CEP57L1: variants seen among roughly 807,000 people sequenced by gnomAD.
CEP57L1 encodes the protein centrosomal protein CEP57L1.
A neutral mutation model predicts 61.0 loss-of-function variants in CEP57L1; 37 were observed. That is an observed-to-expected ratio of 0.61 (90% CI 0.47 to 0.80). CEP57L1 has a LOEUF of 0.80. CEP57L1 is among the 30% of genes least tolerant of loss of function. CEP57L1 has a pLI of 0.00. For synonymous variants in CEP57L1, 137 were observed against 162.3 expected (o/e 0.84, Z 1.19); for missense variants, 422 against 524.7 (o/e 0.80, Z 1.91).
intron 9 of CEP57L1, among the ~76,000 whole-genome samples, chr6:109,159,706 C>T (rs540048124): frequency 6.6e-6 from 1 of 152,258 alleles, no homozygotes; most frequent in African/African-American, 2.4e-5. Flanking sequence ...GTTACTTAGC[C>T]ATTTGGACAG....
intron 1 of CEP57L1, among the ~76,000 whole-genome samples, chr6:109,139,406 A>C (rs866663246): frequency 1.3e-5 from 2 of 152,100 alleles, no homozygotes; most frequent in South Asian, 4.1e-4. Context: ...TGGGTCAAAC[A>C]ATTGTGCCTC....
rs139759737 is a variant in CEP57L1, at chr6:109,137,357, G to A, written c.-3-7862G>A. ...CACTCTGTCGCCCAGGCTGGAGTGC[G>A]GTGGCCCCATCTCGGCTCACTGCGA... On this transcript the variant is annotated intron_variant, in intron 1 of 10. Transcript: ENST00000517392. Among the ~76,000 whole-genome samples the A allele has an allele frequency of 8.5e-3, 1,289 of 151,532 alleles. 24 individuals carry two copies. Among genetic ancestry groups the A allele is most frequent in the African/African-American group, 0.029 (1,210 of 41,274 alleles).
intron 1 of CEP57L1, among the ~76,000 whole-genome samples, chr6:109,126,086 T>A (rs1008389744): frequency 6.6e-6 from 1 of 152,206 alleles, no homozygotes; most frequent in Non-Finnish European, 1.5e-5. Flanking sequence ...CAAATTAGTT[T>A]CAGAGGATTT....
Position 109,159,268 on chromosome 6 carries a change from G to A in CEP57L1, c.823-1G>A. Reference sequence around the variant, plus strand: ...ATGCAAGTATGCAAAACTTTTTGCAGATGAGGCAACATCGTGACCCACATA... The same window carrying A: ...ATGCAAGTATGCAAAACTTTTTGCAAATGAGGCAACATCGTGACCCACATA... On this transcript the variant is annotated splice_acceptor_variant, in intron 8 of 10. Transcript: ENST00000517392. LOFTEE classifies it high-confidence loss of function. The A allele has an allele frequency of 1.9e-6, 3 of 1,614,076 alleles. No individual in the cohort carries two copies. Among genetic ancestry groups the A allele is most frequent in the Non-Finnish European group, 1.7e-6 (2 of 1,179,988 alleles).
At chr6:109,150,314 A>G in intron 4 of CEP57L1, 75 bp downstream of exon 4, 1 of 1,534,718 alleles carries the variant, frequency 6.5e-7, no homozygotes, top group South Asian at 1.2e-5. Flanking sequence ...TCACGGGAAA[A>G]TTCAAAGGCA....
chr6:109,110,625 C>T (rs1771493811), intron 1 of CEP57L1, among the ~76,000 whole-genome samples: 1 of 152,104 alleles, frequency 6.6e-6, no homozygotes, highest in Admixed American at 6.6e-5. Context: ...AATGGTATTG[C>T]CTAGGTTTTC....
intron 1 of CEP57L1, among the ~76,000 whole-genome samples, chr6:109,124,086 A>T (rs566457392): frequency 6.6e-6 from 1 of 152,030 alleles, no homozygotes; most frequent in South Asian, 2.1e-4. Flanking sequence ...AAAAAAAAAA[A>T]AGAACCACTT....
At chr6:109,162,374 T>C (rs954708299) in intron 10 of CEP57L1, among the ~76,000 whole-genome samples, 1 of 152,090 alleles carries the variant, frequency 6.6e-6, no homozygotes, top group Non-Finnish European at 1.5e-5. Flanking sequence ...TAATATCTTA[T>C]ATACAACCTT....
intron 1 of CEP57L1, among the ~76,000 whole-genome samples, chr6:109,096,776 A>C (rs1488629392): frequency 6.6e-6 from 1 of 152,028 alleles, no homozygotes; most frequent in Non-Finnish European, 1.5e-5. Flanking sequence ...CAAAACAAAA[A>C]CCATTCCGTT....
chr6:109,166,474 C>T lies in CEP57L1; in HGVS notation c.*3504C>T, dbSNP rs2114983342. Among the ~76,000 whole-genome samples, 1 of 151,380 alleles carries T rather than the reference C, an allele frequency of 6.6e-6. No homozygotes were observed. The highest frequency in any genetic ancestry group is 1.5e-5 in the Non-Finnish European group (1 of 67,908). ...TCTCAGCTCACTGCAACCTCCACCT[C>T]TCAGGTTCAAGCTATTCTCCTGCCT... On this transcript the variant is annotated 3_prime_UTR_variant, in exon 11 of 11. Coordinates refer to ENST00000517392, the MANE Select transcript of CEP57L1 (RefSeq NM_001271852.3).
intron 1 of CEP57L1, among the ~76,000 whole-genome samples, chr6:109,143,150 C>A (rs1479634068): frequency 3.3e-5 from 5 of 152,048 alleles, no homozygotes; most frequent in Non-Finnish European, 7.4e-5. Context: ...AAACATTTCT[C>A]AGTTTTTATT....
At chr6:109,126,892 G>A (rs1409930666) in intron 1 of CEP57L1, among the ~76,000 whole-genome samples, 1 of 152,130 alleles carries the variant, frequency 6.6e-6, no homozygotes, top group Non-Finnish European at 1.5e-5. Context: ...TGTTGGCCAG[G>A]CACGGTGCCT....
In CEP57L1 at chr6:109,145,259, A is replaced by C. The variant is rs752490918; in HGVS notation, c.38A>C (p.Tyr13Ser). The C allele has an allele frequency of 6.3e-7, 1 of 1,599,976 alleles. No individual in the cohort carries two copies. Residue 13 changes from tyrosine (Y) to serine (S), a missense_variant, in exon 2 of 11, where the codon TAT becomes TCT. Transcript: ENST00000517392. ...SELMHSIVGS[Y>S]HKPPERVFVP... ...TTAATGCATAGTATAGTAGGAAGCTATCATAAACCTCCAGAAAGAGTATTT... is the reference window on the plus strand; with the variant it reads ...TTAATGCATAGTATAGTAGGAAGCTCTCATAAACCTCCAGAAAGAGTATTT...
At chr6:109,127,121 G>A (rs540945946) in intron 1 of CEP57L1, among the ~76,000 whole-genome samples, 44 of 152,178 alleles carry the variant, frequency 2.9e-4, no homozygotes, top group Middle Eastern at 3.4e-3. Context: ...AGCCGAGATC[G>A]CGCCACTGCA....
intron 1 of CEP57L1, among the ~76,000 whole-genome samples, chr6:109,101,616 C>CTTTTTTTTTTTTTTTTTTTT (rs199499971): frequency 7.9e-6 from 1 of 126,526 alleles, no homozygotes; most frequent in Non-Finnish European, 1.8e-5. Flanking sequence ...TTTTCTTTTT[C>CTTTTTTTTTTTTTTTTTTTT]TTTTTTCTTT....
rs1454948945 is a variant in CEP57L1 at position 109,166,592 on chromosome 6, A to T, written c.*3622A>T. Among the ~76,000 whole-genome samples the T allele has an allele frequency of 6.6e-6, 1 of 152,172 alleles. No individual in the cohort carries two copies. Among genetic ancestry groups the T allele is most frequent in the East Asian group, 1.9e-4 (1 of 5,202 alleles). On this transcript the variant is annotated 3_prime_UTR_variant, in exon 11 of 11. Coordinates refer to ENST00000517392, the MANE Select transcript of CEP57L1 (RefSeq NM_001271852.3). ...GAGATGGGGTTTCACTGTGTTAGCC[A>T]GGATGGTCTGGATCTCCTGACCTCA...
At chr6:109,149,293 T>C (rs913122281) in intron 3 of CEP57L1, among the ~76,000 whole-genome samples, 2 of 152,240 alleles carry the variant, frequency 1.3e-5, no homozygotes, top group African/African-American at 4.8e-5. Context: ...AATTAATTTT[T>C]GTATAAGGTG....
intron 1 of CEP57L1, among the ~76,000 whole-genome samples, chr6:109,107,893 A>T (rs897488814): frequency 1.3e-5 from 2 of 152,178 alleles, no homozygotes; most frequent in Non-Finnish European, 2.9e-5. Context: ...GTGAGACGAG[A>T]TCGTGCCATT....
chr6:109,096,891 G>A (rs546936490), intron 1 of CEP57L1, among the ~76,000 whole-genome samples: 1 of 152,282 alleles, frequency 6.6e-6, no homozygotes, highest in Admixed American at 6.5e-5. Flanking sequence ...ATGATCTCAT[G>A]TATACCCATG....
Sources: gnomAD v4.1 joint callset for allele counts (sites outside exome capture counted in the v4.1 genomes callset) on GRCh38, gnomAD v4.1.1 for gene constraint, MANE v1.5 for transcripts, NCBI Gene and HGNC (gene_info 2026-07-23, HGNC 2026-07-21) for gene names.